The following CD80 variants were observed in gnomAD, a reference collection of about 807,000 sequenced individuals.
CD80 encodes CD80 molecule, also known as T-lymphocyte activation antigen CD80.
CD80 carries 13 observed loss-of-function variants against 27.1 expected under a neutral mutation model. That is an observed-to-expected ratio of 0.48 (90% CI 0.31 to 0.76). The LOEUF (loss-of-function observed/expected upper bound fraction) is 0.76. Ranked by LOEUF, CD80 falls within the 30% of genes least tolerant of loss-of-function variation. CD80 has a pLI of 0.04. For synonymous variants in CD80, 125 were observed against 125.5 expected (o/e 1.00, Z 0.03); for missense variants, 277 against 347.9 (o/e 0.80, Z 1.62).
intron 3 of CD80, among the ~76,000 whole-genome samples, chr3:119,539,699 T>C (rs998795694): frequency 6.6e-5 from 10 of 152,164 alleles, no homozygotes; most frequent in African/African-American, 2.4e-4. Context: ...TTCTTACACA[T>C]AAAGAGATTA....
chr3:119,529,879 T>A lies in CD80; in HGVS notation c.759A>T (p.Ser253=). 6.2e-7 allele frequency: 1 copy of A among 1,609,624 alleles called. No individual in the cohort carries two copies. The highest frequency in any genetic ancestry group is 8.5e-7 in the Non-Finnish European group (1 of 1,175,904). Reference sequence around the variant, plus strand: ...AGCATATCACAAAAATTCCATTTACTGAGATTAAGGTAATGGCCCAGGATG... The same window carrying A: ...AGCATATCACAAAAATTCCATTTACAGAGATTAAGGTAATGGCCCAGGATG... The part of the protein sequence containing the change: ...LLPSWAITLI[S]VNGIFVICCL... Residue 253 remains serine (S), a synonymous_variant, in exon 5 of 7, where the codon TCA becomes TCT. Transcript: ENST00000264246.
At chr3:119,537,983 G>A (rs1469835028) in intron 3 of CD80, among the ~76,000 whole-genome samples, 1 of 152,292 alleles carries the variant, frequency 6.6e-6, no homozygotes, top group Non-Finnish European at 1.5e-5. Context: ...AGGTTCGTGT[G>A]AATAAATGTT....
intron 2 of CD80, among the ~76,000 whole-genome samples, chr3:119,555,246 C>A (rs1397284283): frequency 6.6e-6 from 1 of 152,246 alleles, no homozygotes; most frequent in African/African-American, 2.4e-5. Context: ...AATGAACCTA[C>A]ATTAACACAT....
chr3:119,558,462 T>C (rs2222630), intron 1 of CD80, among the ~76,000 whole-genome samples: 26,538 of 152,150 alleles, frequency 0.17, 2,729 homozygotes, highest in South Asian at 0.27. Flanking sequence ...ACGTTACTTA[T>C]CAAAATTATG....
rs913147553 is a variant in CD80, at chr3:119,525,541, C to T, written c.*247G>A. ...ATAACACTGGTATTCTCTAAAGTCC[C>T]TTCCAGAACTCAAGAATTCTGCATT... On this transcript the variant is annotated 3_prime_UTR_variant, in exon 7 of 7. Coordinates refer to ENST00000264246, the MANE Select transcript of CD80 (RefSeq NM_005191.4). 4 of 152,390 alleles carry T rather than the reference C, an allele frequency of 2.6e-5. No homozygotes were observed. Among genetic ancestry groups the T allele is most frequent in the African/African-American group, 9.7e-5 (4 of 41,444 alleles). 9.4% of individuals were successfully genotyped at this position (152,390 alleles called of 1,614,324 possible).
At chr3:119,545,438 G>A (rs561401067) in intron 2 of CD80, among the ~76,000 whole-genome samples, 4 of 152,230 alleles carry the variant, frequency 2.6e-5, no homozygotes, top group South Asian at 2.1e-4. Flanking sequence ...ACATTGTTGT[G>A]AAACAGATCT....
At chr3:119,530,047 T>A in intron 4 of CD80, 110 bp from the exon 5 acceptor site, 3 of 720,406 alleles carry the variant, frequency 4.2e-6, no homozygotes, top group Admixed American at 5.1e-5. Flanking sequence ...CCTGGTCAGC[T>A]CTCCAGTATG....
At chr3:119,554,554 G>A (rs143681263) in intron 2 of CD80, among the ~76,000 whole-genome samples, 86 of 152,266 alleles carry the variant, frequency 5.6e-4, no homozygotes, top group Non-Finnish European at 7.2e-4. Flanking sequence ...AGGGGGAGAG[G>A]AGCCTGGCTG....
intron 1 of CD80, among the ~76,000 whole-genome samples, chr3:119,558,829 TA>T (rs1475748017): frequency 3.3e-5 from 5 of 151,218 alleles, no homozygotes; most frequent in African/African-American, 1.2e-4. Flanking sequence ...ATTTTTCCAG[TA>T]AATATGTCAA....
At chr3:119,550,022 T>C (rs2082222928) in intron 2 of CD80, among the ~76,000 whole-genome samples, 1 of 152,178 alleles carries the variant, frequency 6.6e-6, no homozygotes, top group Non-Finnish European at 1.5e-5. Flanking sequence ...CACCTACCCC[T>C]TGGGATCACT....
At chr3:119,532,852 C>G (rs573558979) in intron 4 of CD80, among the ~76,000 whole-genome samples, 1 of 152,168 alleles carries the variant, frequency 6.6e-6, no homozygotes, top group Non-Finnish European at 1.5e-5. Flanking sequence ...GTTTCCTAGG[C>G]TCTAATAACT....
chr3:119,533,635 T>C (rs955427579), intron 4 of CD80, among the ~76,000 whole-genome samples: 2 of 152,130 alleles, frequency 1.3e-5, no homozygotes, highest in African/African-American at 4.8e-5. Flanking sequence ...TATAACAAGC[T>C]CTCTTTTTGG....
chr3:119,529,291 T>C (rs1469886138), intron 5 of CD80, among the ~76,000 whole-genome samples: 1 of 152,142 alleles, frequency 6.6e-6, no homozygotes, highest in Non-Finnish European at 1.5e-5. Flanking sequence ...GCCATGTAGT[T>C]TCTCAACTGT....
rs1257706031 is a variant in CD80, at chr3:119,551,735, C to T, written c.100+5894G>A. Among the ~76,000 whole-genome samples, 3 of 152,146 alleles carry T rather than the reference C, an allele frequency of 2.0e-5. No homozygotes were observed. The East Asian group carries it at 5.8e-4, about 29-fold the overall frequency. ...AATTATCACAGCGATCACAGGATAC[C>T]AGATGTAAAGTGCTTTCTTAACTTT... On this transcript the variant is annotated intron_variant, in intron 2 of 6. Coordinates refer to ENST00000264246, the MANE Select transcript of CD80 (RefSeq NM_005191.4).
chr3:119,532,064 T>C (rs1399652541), intron 4 of CD80, among the ~76,000 whole-genome samples: 1 of 152,224 alleles, frequency 6.6e-6, no homozygotes, highest in Non-Finnish European at 1.5e-5. Flanking sequence ...CTGTTTCTGT[T>C]TGTTGCACTC....
chr3:119,539,470 A>C (rs2082156015), intron 3 of CD80, among the ~76,000 whole-genome samples: 3 of 152,076 alleles, frequency 2.0e-5, no homozygotes, highest in African/African-American at 7.2e-5. Flanking sequence ...TATCCAAACT[A>C]CAACATTGAG....
intron 4 of CD80, among the ~76,000 whole-genome samples, chr3:119,535,246 A>G (rs2082130845): frequency 6.6e-6 from 1 of 152,192 alleles, no homozygotes; most frequent in Non-Finnish European, 1.5e-5. Context: ...TAAATCATAC[A>G]CTAGCATGAA....
chr3:119,556,431 T>C (rs796248363), intron 2 of CD80, among the ~76,000 whole-genome samples: 7 of 151,776 alleles, frequency 4.6e-5, no homozygotes, highest in African/African-American at 1.7e-4. Flanking sequence ...TCCTCTGTAC[T>C]CCCCAGAAGA....
intron 3 of CD80, among the ~76,000 whole-genome samples, chr3:119,540,168 C>T (rs1329787947): frequency 6.6e-6 from 1 of 152,164 alleles, no homozygotes; most frequent in Non-Finnish European, 1.5e-5. Flanking sequence ...CCAGGATGGT[C>T]TCAGTCTCCT....
Sources: gnomAD v4.1 joint callset for allele counts (sites outside exome capture counted in the v4.1 genomes callset) on GRCh38, gnomAD v4.1.1 for gene constraint, MANE v1.5 for transcripts, NCBI Gene and HGNC (gene_info 2026-07-23, HGNC 2026-07-21) for gene names.